Variants in RTN4R observed in about 807,000 individuals in gnomAD.
The protein encoded by RTN4R is reticulon-4 receptor.
Under a neutral mutation model 27.7 loss-of-function variants are expected in RTN4R, and 4 were observed. The ratio of observed to expected loss-of-function variants is 0.14; its 90% CI spans 0.07 to 0.33. The LOEUF is 0.33. Among genes scored for constraint, RTN4R ranks in the 10% least tolerant of loss-of-function variants. The pLI, the probability that RTN4R is intolerant of heterozygous loss-of-function variation, is 1.00. For synonymous variants in RTN4R, 290 were observed against 305.6 expected, an observed-to-expected ratio of 0.95 and a Z score of 0.53; for missense variants, 554 against 671.5, an observed-to-expected ratio of 0.83 and a Z score of 1.93.
intron 1 of RTN4R, chr22:20,243,638 G>T: frequency 2.4e-6 from 1 of 419,318 alleles, no homozygotes; most frequent in South Asian, 1.8e-5. Context: ...GGCTTAGGAG[G>T]AGTCGCGTCC....
chr22:20,243,769 C>T (rs887206845), intron 1 of RTN4R: 4 of 318,168 alleles, frequency 1.3e-5, no homozygotes, highest in African/African-American at 9.0e-5. Context: ...CCATCTCCTC[C>T]CTGGGAGGAG....
chr22:20,260,137 C>T (rs1004834911), intron 1 of RTN4R, among the ~76,000 whole-genome samples: 12 of 152,144 alleles, frequency 7.9e-5, no homozygotes, highest in East Asian at 5.8e-4. Flanking sequence ...GGGCAGGGGA[C>T]GCACCCAGCT....
chr22:20,242,016 C>T lies in RTN4R; in HGVS notation c.1117G>A (p.Gly373Ser), dbSNP rs760190468. The T allele has an allele frequency of 4.9e-5, 79 of 1,611,316 alleles. No homozygotes were observed. The highest frequency in any genetic ancestry group is 5.8e-5 in the Non-Finnish European group (68 of 1,179,882). The change falls in exon 2 of 2, where the codon GGC becomes AGC. Residue 373 changes from glycine to serine, a missense_variant. Around this residue, in one of 2 missense-constraint regions of RTN4R, gnomAD observed 413 missense variants for 542.3 expected, o/e 0.76. Transcript: ENST00000043402. ...VPPGDSPPGN[G>S]SGPRHINDSP... ...TCATTGATGTGCCGTGGGCCAGAGC[C>T]GTTGCCCGGCGGGCTGTCACCGGGC...
At chr22:20,243,370 C>A (rs745552611) in intron 1 of RTN4R, 61 of 693,836 alleles carry the variant, frequency 8.8e-5, no homozygotes, top group Non-Finnish European at 1.2e-4. Flanking sequence ...CATACCACAC[C>A]CAGGAGCAGC....
At chr22:20,263,392 C>T (rs1295539551) in intron 1 of RTN4R, among the ~76,000 whole-genome samples, 1 of 152,234 alleles carries the variant, frequency 6.6e-6, no homozygotes, top group African/African-American at 2.4e-5. Flanking sequence ...CCCAAGACGC[C>T]CTGCGGGAAA....
chr22:20,262,073 G>C (rs1022649891), intron 1 of RTN4R, among the ~76,000 whole-genome samples: 2 of 152,252 alleles, frequency 1.3e-5, no homozygotes, highest in East Asian at 1.9e-4. Flanking sequence ...ACAGAGGCCA[G>C]GTCTGAGGAT....
In RTN4R at chr22:20,241,627, C is replaced by T. The variant is rs1473016299; in HGVS notation, c.*84G>A. On this transcript the variant is annotated 3_prime_UTR_variant, in exon 2 of 2. Coordinates refer to ENST00000043402, the MANE Select transcript of RTN4R (RefSeq NM_023004.6). ...GGCCTGGCCTGCCCCACGGGTCGGC[C>T]GCCCGGCTGGCTTGGCGGCGTGGAG... 18 of 1,499,246 alleles carry T rather than the reference C, an allele frequency of 1.2e-5. No individual in the cohort carries two copies. In the East Asian group the frequency reaches 3.0e-4, roughly 25 times the overall value. 92.9% of individuals were successfully genotyped at this position (1,499,246 alleles called of 1,614,324 possible).
At position 20,241,863 on chromosome 22, in the gene RTN4R, G is replaced by A. The variant is rs374470928; in HGVS notation, c.1270C>T (p.Arg424Cys). The change falls in exon 2 of 2, where the codon CGC becomes TGC. Residue 424 changes from arginine to cysteine, a missense_variant. By Grantham distance (180) the Arg-to-Cys change is radical. Around this residue, in one of 2 missense-constraint regions of RTN4R, gnomAD observed 141 missense variants for 129.2 expected, o/e 1.09. Transcript: ENST00000043402. ...RRRPGCSRKN[R>C]TRSHCRLGQA... ...CCCAGACGGCAGTGGCTGCGGGTGC[G>A]GTTCTTGCGTGAACAGCCTGGCCTC... 10 of 1,609,380 alleles carry A rather than the reference G, an allele frequency of 6.2e-6. No individual in the cohort carries two copies. In the African/African-American group the frequency reaches 6.7e-5, roughly 11 times the overall value.
intron 1 of RTN4R, among the ~76,000 whole-genome samples, chr22:20,249,707 G>A (rs2051164161): frequency 6.6e-6 from 1 of 152,226 alleles, no homozygotes; most frequent in African/African-American, 2.4e-5. Context: ...CCCGGCTGGA[G>A]GGTCTGCATG....
chr22:20,257,298 G>A (rs191004798), intron 1 of RTN4R, among the ~76,000 whole-genome samples: 243 of 152,344 alleles, frequency 1.6e-3, no homozygotes, highest in African/African-American at 5.7e-3. Context: ...CCATGTCTGC[G>A]TCTCCCCCAG....
rs145773589 is a variant in RTN4R, at chr22:20,242,930, C to T, written c.203G>A (p.Arg68His). 6.0e-5 allele frequency: 96 copies of T among 1,611,798 alleles called. No individual in the cohort carries two copies. In the East Asian group the frequency reaches 1.9e-3, roughly 32 times the overall value. ...GCTGGCAGCTGGCACATGCGAGATGCGGTTGCCGTGCAGGAAGATGCGCTG... is the reference window on the plus strand; with the variant it reads ...GCTGGCAGCTGGCACATGCGAGATGTGGTTGCCGTGCAGGAAGATGCGCTG... Reference protein sequence around the residue: ...ASQRIFLHGNRISHVPAASFR... With the variant: ...ASQRIFLHGNHISHVPAASFR... Residue 68 changes from arginine to histidine, a missense_variant, in exon 2 of 2, where the codon CGC becomes CAC. Transcript: ENST00000043402.
chr22:20,245,141 G>A lies in RTN4R; in HGVS notation c.23-2031C>T, dbSNP rs569747546. Among the ~76,000 whole-genome samples the A allele has an allele frequency of 5.9e-5, 9 of 152,356 alleles. No homozygotes were observed. The East Asian group carries it at 1.3e-3, about 23-fold the overall frequency. ...GTGAGGTGCCAGAACTGAGCCACAC[G>A]GTGGTGCGGGGTCGGGGGAGACAGG... On this transcript the variant is annotated intron_variant, in intron 1 of 1. Coordinates refer to ENST00000043402, the MANE Select transcript of RTN4R (RefSeq NM_023004.6).
At position 20,242,454 on chromosome 22, in the gene RTN4R, G is replaced by T. The variant is rs754793885; in HGVS notation, c.679C>A (p.Arg227Ser). ...VHPHAFRDLG[R>S]LMTLYLFANN... ...GCAAACAGATAGAGTGTCATGAGGC[G>T]GCCAAGGTCACGGAAGGCATGCGGG... The change falls in exon 2 of 2, where the codon CGC (arginine) becomes AGC (serine). Residue 227 changes from arginine (R) to serine (S), a missense_variant. Around this residue, in one of 2 missense-constraint regions of RTN4R, gnomAD observed 413 missense variants for 542.3 expected, o/e 0.76. Transcript: ENST00000043402. The T allele has an allele frequency of 3.1e-6, 5 of 1,613,674 alleles. No homozygotes were observed. In the Admixed American group the frequency reaches 5.0e-5, roughly 16 times the overall value.
Position 20,242,318 on chromosome 22 carries a change from C to A in RTN4R, c.815G>T (p.Trp272Leu). The change falls in exon 2 of 2, where the codon TGG becomes TTG. Residue 272 changes from tryptophan (W) to leucine (L), a missense_variant. Physicochemically the swap from Trp to Leu is moderately conservative, Grantham distance 61. Coordinates refer to ENST00000043402, the MANE Select transcript of RTN4R (RefSeq NM_023004.6). ...GCCGCGGAACTTCTGCAGCCAGGCC[C>A]AGAGTGGGCGTGCCCGGCAGTCACA... Reference protein sequence around the residue: ...WVCDCRARPLWAWLQKFRGSS... With the variant: ...WVCDCRARPLLAWLQKFRGSS... 1 of 1,609,564 alleles carries A rather than the reference C, an allele frequency of 6.2e-7. No individual in the cohort carries two copies. Among genetic ancestry groups the A allele is most frequent in the Non-Finnish European group, 8.5e-7 (1 of 1,178,752 alleles).
intron 1 of RTN4R, among the ~76,000 whole-genome samples, chr22:20,262,241 G>T (rs894955705): frequency 6.6e-6 from 1 of 152,202 alleles, no homozygotes; most frequent in Non-Finnish European, 1.5e-5. Context: ...GGATCTGGAG[G>T]CCCAAGGTGT....
At chr22:20,243,218 G>A in intron 1 of RTN4R, 108 bp from the exon 2 acceptor site, 1 of 1,152,544 alleles carries the variant, frequency 8.7e-7, no homozygotes, top group Non-Finnish European at 1.2e-6. Context: ...AGGAGGACCT[G>A]GGGCTGGGTC....
chr22:20,248,738 C>A (rs2051157543), intron 1 of RTN4R, among the ~76,000 whole-genome samples: 1 of 152,066 alleles, frequency 6.6e-6, no homozygotes, highest in Non-Finnish European at 1.5e-5. Context: ...CCACAGAGGC[C>A]TGAGCCAGCC....
Position 20,242,823 on chromosome 22 carries a change from G to A in RTN4R, c.310C>T (p.Leu104=). 6.2e-7 allele frequency: 1 copy of A among 1,613,068 alleles called. No homozygotes were observed. The highest frequency in any genetic ancestry group is 2.2e-5 in the East Asian group (1 of 44,884). The change falls in exon 2 of 2, where the codon CTG becomes TTG. Residue 104 remains leucine, a synonymous_variant. Coordinates refer to ENST00000043402, the MANE Select transcript of RTN4R (RefSeq NM_023004.6). ...AGGTCCAGCTGCTCCAGGAGGGCCA[G>A]GCCAGTGAAGGCAGCCGCATCAATT... ...ARIDAAAFTG[L]ALLEQLDLSD...
chr22:20,251,229 G>A (rs73394089), intron 1 of RTN4R, among the ~76,000 whole-genome samples: 45 of 152,050 alleles, frequency 3.0e-4, no homozygotes, highest in African/African-American at 4.6e-4. Flanking sequence ...GGGCAGATCC[G>A]TGTCGATGTA....
Sources: gnomAD v4.1 joint callset for allele counts (sites outside exome capture counted in the v4.1 genomes callset) on GRCh38, gnomAD v4.1.1 for gene constraint, gnomAD v4.1.1 regional missense constraint, MANE v1.5 for transcripts, NCBI Gene and HGNC (gene_info 2026-07-23, HGNC 2026-07-21) for gene names.